Variants in KLB observed in about 807,000 individuals in gnomAD.
The protein encoded by KLB is klotho beta.
KLB carries 44 observed loss-of-function variants against 88.4 expected under a neutral mutation model. That is an observed-to-expected ratio of 0.50 (90% CI 0.39 to 0.64). KLB has a LOEUF of 0.64. Ranked by LOEUF, KLB falls within the 30% of genes least tolerant of loss-of-function variation. KLB has a pLI of 0.00. For missense variants in KLB, 1,137 were observed against 1,304.8 expected, an observed-to-expected ratio of 0.87 and a Z score of 1.98; for synonymous variants, 548 against 513.4, an observed-to-expected ratio of 1.07 and a Z score of -0.91.
At chr4:39,441,550 C>T (rs1743596329) in intron 3 of KLB, 1 of 152,000 alleles carries the variant, frequency 6.6e-6, no homozygotes. Flanking sequence ...AAGAATTGAT[C>T]ATGAGGTCAG....
At chr4:39,440,486 A>G (rs2109840728) in intron 3 of KLB, among the ~76,000 whole-genome samples, 1 of 152,128 alleles carries the variant, frequency 6.6e-6, no homozygotes, top group African/African-American at 2.4e-5. Context: ...GAAAGACAAG[A>G]TGTACAAGGA....
chr4:39,413,904 A>C (rs186757724), intron 1 of KLB, among the ~76,000 whole-genome samples: 1 of 152,304 alleles, frequency 6.6e-6, no homozygotes, highest in African/African-American at 2.4e-5. Flanking sequence ...AAGATTTCTC[A>C]AACCTGGTCA....
At chr4:39,427,795 A>G (rs1160513784) in intron 1 of KLB, among the ~76,000 whole-genome samples, 1 of 152,190 alleles carries the variant, frequency 6.6e-6, no homozygotes, top group Non-Finnish European at 1.5e-5. Flanking sequence ...CTTCACAGAT[A>G]TTATTGCCTC....
intron 1 of KLB, among the ~76,000 whole-genome samples, chr4:39,417,052 A>G (rs1742978929): frequency 6.6e-6 from 1 of 152,056 alleles, no homozygotes; most frequent in Non-Finnish European, 1.5e-5. Flanking sequence ...GTTATATAGA[A>G]GCAAAATCTC....
chr4:39,448,940 C>T lies in KLB; in HGVS notation c.*254C>T, dbSNP rs1207849836. On this transcript the variant is annotated 3_prime_UTR_variant, in exon 5 of 5. Transcript: ENST00000257408. ...ATGAGGATTACATGCTACATTGCTT[C>T]TTAAAGTTTCATCAACTGTATTCCA... is the stretch of plus-strand genomic sequence containing the variant. The T allele has an allele frequency of 1.0e-5, 4 of 393,064 alleles. No homozygotes were observed. Among genetic ancestry groups the T allele is most frequent in the Non-Finnish European group, 1.8e-5 (4 of 219,826 alleles). 24.3% of individuals were successfully genotyped at this position (393,064 alleles called of 1,614,324 possible).
At chr4:39,443,265 G>A (rs761116187) in intron 3 of KLB, among the ~76,000 whole-genome samples, 7 of 151,934 alleles carry the variant, frequency 4.6e-5, no homozygotes, top group Non-Finnish European at 8.8e-5. Context: ...GTTCACTCCT[G>A]TAATCCCAGC....
chr4:39,416,005 T>C (rs1206580507), intron 1 of KLB, among the ~76,000 whole-genome samples: 1 of 152,052 alleles, frequency 6.6e-6, no homozygotes, highest in African/African-American at 2.4e-5. Context: ...GGACACGTGT[T>C]AGGCATTCAA....
chr4:39,439,132 G>C (rs779672278), intron 3 of KLB, among the ~76,000 whole-genome samples: 5 of 151,636 alleles, frequency 3.3e-5, no homozygotes, highest in Non-Finnish European at 7.4e-5. Context: ...ACTTGAACTG[G>C]CACTACAGGT....
At chr4:39,421,435 G>A (rs1287958798) in intron 1 of KLB, among the ~76,000 whole-genome samples, 1 of 152,150 alleles carries the variant, frequency 6.6e-6, no homozygotes, top group Non-Finnish European at 1.5e-5. Context: ...AGGTGGTGAA[G>A]TGGGATGCAG....
intron 4 of KLB, among the ~76,000 whole-genome samples, chr4:39,448,059 A>T (rs1560654992): frequency 6.6e-6 from 1 of 152,160 alleles, no homozygotes; most frequent in African/African-American, 2.4e-5. Flanking sequence ...TTTTCCTCCA[A>T]GAGTTTTTGG....
At chr4:39,444,353 A>G (rs1348891317) in intron 3 of KLB, among the ~76,000 whole-genome samples, 4 of 152,178 alleles carry the variant, frequency 2.6e-5, no homozygotes, top group Non-Finnish European at 2.9e-5. Context: ...AATTTAGTCA[A>G]TGGGACCCCC....
rs762925788 is a variant in KLB, at chr4:39,407,686, C to A, written c.737C>A (p.Ala246Asp). 15 of 1,614,070 alleles carry A rather than the reference C, an allele frequency of 9.3e-6. No individual in the cohort carries two copies. The highest frequency in any genetic ancestry group is 1.3e-5 in the Non-Finnish European group (15 of 1,179,942). ...ACAATTCACAACCCATATCTAGTGGCTTGGCATGGGTATGGGACAGGTATG... is the reference window on the plus strand; with the variant it reads ...ACAATTCACAACCCATATCTAGTGGATTGGCATGGGTATGGGACAGGTATG... The part of the protein sequence containing the change: ...WITIHNPYLV[A>D]WHGYGTGMHA... The change falls in exon 1 of 5, where the codon GCT becomes GAT. Residue 246 changes from alanine (A) to aspartate (D), a missense_variant. Transcript: ENST00000257408.
Position 39,448,573 on chromosome 4 carries a change from C to G in KLB, c.3022C>G (p.Leu1008Val), listed in dbSNP as rs112485022. ...IFLGCCFFSTLVLLLSIAIFQ... is the reference protein window; with the variant it reads ...IFLGCCFFSTVVLLLSIAIFQ... ...CCTGGGTTGTTGCTTCTTCTCCACC[C>G]TGGTTCTACTCTTATCAATTGCCAT... Residue 1008 changes from leucine to valine, a missense_variant, in exon 5 of 5, where the codon CTG becomes GTG. Physicochemically the swap from Leu to Val is conservative, Grantham distance 32. This residue lies in a region of KLB where 426 missense variants were observed against 404.6 expected (regional missense o/e 1.05). Coordinates refer to ENST00000257408, the MANE Select transcript of KLB (RefSeq NM_175737.4). The G allele has an allele frequency of 6.2e-7, 1 of 1,614,206 alleles. No homozygotes were observed. Among genetic ancestry groups the G allele is most frequent in the Non-Finnish European group, 8.5e-7 (1 of 1,180,036 alleles).
intron 1 of KLB, among the ~76,000 whole-genome samples, chr4:39,415,676 A>C (rs771416328): frequency 6.6e-6 from 1 of 152,202 alleles, no homozygotes; most frequent in Non-Finnish European, 1.5e-5. Flanking sequence ...AAATTTAAAT[A>C]GGCCTTAAAA....
chr4:39,445,279 G>C (rs1489618615), intron 3 of KLB, among the ~76,000 whole-genome samples: 2 of 152,166 alleles, frequency 1.3e-5, no homozygotes, highest in Admixed American at 6.5e-5. Context: ...CAAAGGGGCA[G>C]AACTAGAACA....
At chr4:39,443,876 G>A (rs187960007) in intron 3 of KLB, among the ~76,000 whole-genome samples, 5 of 150,886 alleles carry the variant, frequency 3.3e-5, no homozygotes, top group African/African-American at 7.3e-5. Context: ...TTCATGAACC[G>A]GGCCGGGCAC....
chr4:39,413,731 A>C (rs1018689144), intron 1 of KLB, among the ~76,000 whole-genome samples: 1 of 151,906 alleles, frequency 6.6e-6, no homozygotes, highest in East Asian at 1.9e-4. Flanking sequence ...CTCAGGAAAA[A>C]AAAAAAATAA....
Position 39,434,728 on chromosome 4 carries a change from G to A in KLB, c.1336+8G>A, listed in dbSNP as rs1336722481. On this transcript the variant is annotated splice_region_variant and intron_variant, in intron 2 of 4. Transcript: ENST00000257408. ...TCAGCCAGGTGCTTCAAGGTTGGTT[G>A]TACACTTGCTTAATTTTTTAAAAAT... 1.3e-6 allele frequency: 2 copies of A among 1,574,832 alleles called. No homozygotes were observed. Among genetic ancestry groups the A allele is most frequent in the Admixed American group, 4.0e-5 (2 of 49,788 alleles).
Position 39,447,194 on chromosome 4 carries a change from T to G in KLB, c.2468T>G (p.Leu823Arg). ...LLKGTVDFCA[L>R]NHFTTRFVMH... ...AAGGGCACGGTCGACTTCTGCGCGCTCAACCACTTCACCACTAGGTTCGTG... is the reference window on the plus strand; with the variant it reads ...AAGGGCACGGTCGACTTCTGCGCGCGCAACCACTTCACCACTAGGTTCGTG... Residue 823 changes from leucine (L) to arginine (R), a missense_variant, in exon 4 of 5, where the codon CTC becomes CGC. Leu to Arg is a moderately radical substitution (Grantham distance 102, BLOSUM62 -2). Around this residue, in one of 4 missense-constraint regions of KLB, gnomAD observed 426 missense variants for 404.6 expected, o/e 1.05. Coordinates refer to ENST00000257408, the MANE Select transcript of KLB (RefSeq NM_175737.4). The G allele has an allele frequency of 6.2e-7, 1 of 1,613,852 alleles. No individual in the cohort carries two copies. Among genetic ancestry groups the G allele is most frequent in the Non-Finnish European group, 8.5e-7 (1 of 1,180,030 alleles).
Sources: gnomAD v4.1 joint callset for allele counts (sites outside exome capture counted in the v4.1 genomes callset) on GRCh38, gnomAD v4.1.1 for gene constraint, gnomAD v4.1.1 regional missense constraint, MANE v1.5 for transcripts, NCBI Gene and HGNC (gene_info 2026-07-23, HGNC 2026-07-21) for gene names.